The following FCGR1A variants were observed in gnomAD, a reference collection of about 807,000 sequenced individuals.
FCGR1A encodes Fc gamma receptor Ia, also known as high affinity immunoglobulin gamma Fc receptor I.
A neutral mutation model predicts 35.0 loss-of-function variants in FCGR1A; 13 were observed. The ratio of observed to expected loss-of-function variants is 0.37; its 90% CI spans 0.24 to 0.59. The LOEUF is 0.59. FCGR1A is among the 20% of genes least tolerant of loss of function. FCGR1A has a pLI of 0.71. For synonymous variants in FCGR1A, 91 were observed against 164.7 expected, an observed-to-expected ratio of 0.55 and a Z score of 3.43; for missense variants, 227 against 430.0, an observed-to-expected ratio of 0.53 and a Z score of 4.17.
chr1:149,800,200 T>G, the FCGR1A span, among the ~76,000 whole-genome samples: 2 of 152,176 alleles, frequency 1.3e-5, no homozygotes, highest in Admixed American at 6.5e-5. Flanking sequence ...AGGTAAAGTA[T>G]GGGGGAAGGA....
chr1:149,789,457 G>A (rs2091644965), intron 4 of FCGR1A, among the ~76,000 whole-genome samples: 1 of 151,524 alleles, frequency 6.6e-6, no homozygotes. Flanking sequence ...AAGTGTGTGA[G>A]TCAGGGTTCA....
downstream of FCGR1A, chr1:149,793,213 T>C (rs1553752411): frequency 2.4e-6 from 3 of 1,273,904 alleles, no homozygotes; most frequent in Non-Finnish European, 2.0e-6. Flanking sequence ...CCCCATTTTC[T>C]TGGCTTGTCG....
At chr1:149,799,220 G>C in the FCGR1A span, among the ~76,000 whole-genome samples, 1 of 144,360 alleles carries the variant, frequency 6.9e-6, no homozygotes. Flanking sequence ...TAGTTTAATT[G>C]AATTCAAAAT....
At chr1:149,788,717 G>C (rs587677758) in intron 4 of FCGR1A, 100 bp downstream of exon 4, 15 of 1,465,332 alleles carry the variant, frequency 1.0e-5, no homozygotes, top group Admixed American at 1.9e-5. Context: ...TGAAGAAACC[G>C]GGCTCCAGAG....
chr1:149,792,820 C>T, downstream of FCGR1A: 2 of 1,278,836 alleles, frequency 1.6e-6, no homozygotes, highest in Non-Finnish European at 2.0e-6. Context: ...TGGGCAGCAA[C>T]GGCGGCAGGC....
At chr1:149,786,774 TATTC>T (rs2102039739) in intron 3 of FCGR1A, 1 of 152,372 alleles carries the variant, frequency 6.6e-6, no homozygotes, top group Admixed American at 6.5e-5. Flanking sequence ...TACATTATTT[TATTC>T]ATGAATTACT....
chr1:149,789,378 G>C (rs2091640120), intron 4 of FCGR1A, among the ~76,000 whole-genome samples: 1 of 139,860 alleles, frequency 7.2e-6, no homozygotes, highest in African/African-American at 2.7e-5. Flanking sequence ...GGGCAACAGA[G>C]CGAGACTACG....
Position 149,790,357 on chromosome 1 carries a change from A to G in FCGR1A, c.844+19A>G, listed in dbSNP as rs2091673888. ...GTGCTTGGTGAGTGAGAATGACGGG[A>G]AGCCACTGGCACAGAAGAAGGGACT... On this transcript the variant is annotated intron_variant, in intron 5 of 5. Transcript: ENST00000369168. 6.3e-7 allele frequency: 1 copy of G among 1,579,778 alleles called. No homozygotes were observed. The highest frequency in any genetic ancestry group is 8.6e-7 in the Non-Finnish European group (1 of 1,162,934).
At chr1:149,788,803 A>G (rs1192183365) in intron 4 of FCGR1A, among the ~76,000 whole-genome samples, 186 bp downstream of exon 4, 1 of 152,134 alleles carries the variant, frequency 6.6e-6, no homozygotes, top group Non-Finnish European at 1.5e-5. Context: ...GTCCTAGTCC[A>G]ATACTCTTTC....
At chr1:149,799,198 A>T in the FCGR1A span, among the ~76,000 whole-genome samples, 1 of 141,974 alleles carries the variant, frequency 7.0e-6, no homozygotes, top group Non-Finnish European at 1.5e-5. Context: ...AAAGTCACCC[A>T]CACTTAAATG....
In FCGR1A at chr1:149,784,065, G is replaced by T. The variant is rs7531523; in HGVS notation, c.115G>T (p.Val39Leu). The change falls in exon 3 of 6, where the codon GTA becomes TTA. Residue 39 changes from valine to leucine, a missense_variant. Val to Leu is a conservative substitution (Grantham distance 32, BLOSUM62 1). Transcript: ENST00000369168. ...PWVSVFQEET[V>L]TLHCEVLHLP... ...GGTCAGCGTGTTCCAAGAGGAAACCGTAACCTTGCACTGTGAGGTGCTCCA... is the reference window on the plus strand; with the variant it reads ...GGTCAGCGTGTTCCAAGAGGAAACCTTAACCTTGCACTGTGAGGTGCTCCA... The T allele has an allele frequency of 6.2e-7, 1 of 1,610,384 alleles. No homozygotes were observed. Among genetic ancestry groups the T allele is most frequent in the Non-Finnish European group, 8.5e-7 (1 of 1,179,728 alleles).
At chr1:149,793,744 C>G (rs1180827674), downstream of FCGR1A, among the ~76,000 whole-genome samples, 5 of 151,714 alleles carry the variant, frequency 3.3e-5, no homozygotes, top group Non-Finnish European at 2.9e-5. Flanking sequence ...ACCTTCCAGG[C>G]TGGGTATGGA....
the FCGR1A span, among the ~76,000 whole-genome samples, chr1:149,797,061 C>T: frequency 1.8e-4 from 27 of 152,246 alleles, no homozygotes; most frequent in African/African-American, 3.4e-4. Context: ...TATAGGCACA[C>T]GCCACCACAC....
chr1:149,789,154 C>T (rs1189477593), intron 4 of FCGR1A, among the ~76,000 whole-genome samples: 1 of 151,172 alleles, frequency 6.6e-6, no homozygotes, highest in Non-Finnish European at 1.5e-5. Context: ...CACTAGCAAC[C>T]TTTCTCTGTC....
At chr1:149,787,433 C>G (rs1553750953) in intron 3 of FCGR1A, 1 of 152,166 alleles carries the variant, frequency 6.6e-6, no homozygotes, top group African/African-American at 2.4e-5. Flanking sequence ...TGACTTGGAG[C>G]TTGTTTTGCT....
rs2091717711 is a variant in FCGR1A, at chr1:149,791,642, T to C, written c.*125T>C. On this transcript the variant is annotated 3_prime_UTR_variant, in exon 6 of 6. Coordinates refer to ENST00000369168, the MANE Select transcript of FCGR1A (RefSeq NM_000566.4). ...CTGTGTGTCTCATGGTATGTAACTCTTAAAGCAAATAAATGAACTGACTTC... is the reference window on the plus strand; with the variant it reads ...CTGTGTGTCTCATGGTATGTAACTCCTAAAGCAAATAAATGAACTGACTTC... 3 of 1,490,194 alleles carry C rather than the reference T, an allele frequency of 2.0e-6. No homozygotes were observed. Among genetic ancestry groups the C allele is most frequent in the Non-Finnish European group, 2.7e-6 (3 of 1,118,730 alleles). The allele number at this position is 1,490,194 out of a possible 1,614,324, so 92.3% of individuals were successfully genotyped here.
chr1:149,785,226 CA>C (rs1553750676), intron 3 of FCGR1A, among the ~76,000 whole-genome samples: 1 of 151,976 alleles, frequency 6.6e-6, no homozygotes, highest in Non-Finnish European at 1.5e-5. Flanking sequence ...ATGCAAAAGT[CA>C]ATCCACACTG....
downstream of FCGR1A, among the ~76,000 whole-genome samples, chr1:149,796,387 C>T (rs1372699695): frequency 6.6e-6 from 1 of 152,156 alleles, no homozygotes; most frequent in Admixed American, 6.5e-5. Context: ...ATGTGGTATT[C>T]TCTGAGAAGA....
At position 149,790,405 on chromosome 1, in the gene FCGR1A, G is replaced by A. The variant is rs2091675885; in HGVS notation, c.844+67G>A. On this transcript the variant is annotated intron_variant, in intron 5 of 5. Coordinates refer to ENST00000369168, the MANE Select transcript of FCGR1A (RefSeq NM_000566.4). Reference sequence around the variant, plus strand: ...ACTCCCTTATCTCCCATGGGACTGAGGTTTGTTCAAGGGTTTTTGGCCCAG... The same window carrying A: ...ACTCCCTTATCTCCCATGGGACTGAAGTTTGTTCAAGGGTTTTTGGCCCAG... 6 of 1,549,470 alleles carry A rather than the reference G, an allele frequency of 3.9e-6. No homozygotes were observed. The East Asian group carries it at 1.5e-4, about 38-fold the overall frequency.
Sources: allele counts gnomAD v4.1 joint callset (sites outside exome capture counted in the v4.1 genomes callset), GRCh38; gene constraint gnomAD v4.1.1; transcripts MANE v1.5; gene names NCBI Gene and HGNC (gene_info 2026-07-23, HGNC 2026-07-21).